CTNNA3: variants seen among roughly 807,000 people sequenced by gnomAD.
CTNNA3 encodes catenin alpha 3, also known as catenin alpha-3.
A neutral mutation model predicts 95.7 loss-of-function variants in CTNNA3; 76 were observed. That is an observed-to-expected ratio of 0.79 (90% confidence interval 0.66 to 0.96). The LOEUF (loss-of-function observed/expected upper bound fraction) is 0.96. Ranked by LOEUF, CTNNA3 falls within the 40% of genes least tolerant of loss-of-function variation. The probability of loss-of-function intolerance (pLI) is 0.00; values close to 1 mark genes in which losing one functional copy is unlikely to be tolerated. For synonymous variants in CTNNA3, 431 were observed against 374.4 expected (o/e 1.15, Z -1.74); for missense variants, 1,191 against 1,089.8 (o/e 1.09, Z -1.31).
chr10:67,340,632 C>T (rs1842150102), intron 5 of CTNNA3, among the ~76,000 whole-genome samples: 1 of 152,194 alleles, frequency 6.6e-6, no homozygotes, highest in African/African-American at 2.4e-5. Flanking sequence ...CCAGGAAAGC[C>T]AATCAGGAAG....
intron 1 of CTNNA3, among the ~76,000 whole-genome samples, chr10:67,745,825 T>C (rs1232097134): frequency 1.3e-5 from 2 of 152,172 alleles, no homozygotes; most frequent in Non-Finnish European, 2.9e-5. Flanking sequence ...CCATTTATAA[T>C]GTCTACAAAG....
intron 9 of CTNNA3, among the ~76,000 whole-genome samples, chr10:66,727,944 C>T (rs1848829713): frequency 6.6e-6 from 1 of 152,074 alleles, no homozygotes. Flanking sequence ...TAAAAAGCCA[C>T]ATTTTTAATA....
rs1316219065 is a variant in CTNNA3, at chr10:66,360,772, T to TC, written c.1732+18379dup. 1.5e-4 allele frequency among the ~76,000 whole-genome samples: 7 copies of TC among 45,978 alleles called. 1 individual carries two copies. Among genetic ancestry groups the TC allele is most frequent in the African/African-American group, 5.8e-4 (7 of 12,076 alleles). 30.2% of individuals were successfully genotyped at this position (45,978 alleles called of 152,430 possible). On this transcript the variant is annotated intron_variant, in intron 12 of 17. Coordinates refer to ENST00000433211, the MANE Select transcript of CTNNA3 (RefSeq NM_013266.4). ...CCTTCCTTCCTTCCTTCCTTCCTTT[T>TC]CTTTCTTTCTTTCTTCCTTCCTTCC...
At chr10:67,343,476 T>C (rs756401553) in intron 5 of CTNNA3, among the ~76,000 whole-genome samples, 14 of 152,170 alleles carry the variant, frequency 9.2e-5, no homozygotes, top group Non-Finnish European at 1.2e-4. Context: ...TTCACTTCTT[T>C]GGTTAAGTTA....
chr10:66,364,373 T>C (rs2092697024), intron 12 of CTNNA3, among the ~76,000 whole-genome samples: 1 of 151,960 alleles, frequency 6.6e-6, no homozygotes, highest in South Asian at 2.1e-4. Context: ...TGAGATCCCA[T>C]CTCAATTTTT....
chr10:66,447,796 C>A (rs2093433594), intron 11 of CTNNA3, among the ~76,000 whole-genome samples: 1 of 151,902 alleles, frequency 6.6e-6, no homozygotes, highest in South Asian at 2.1e-4. Context: ...ACACCAAAAG[C>A]AATGGCAACA....
chr10:66,506,764 T>C lies in CTNNA3; in HGVS notation c.1531+13853A>G, dbSNP rs1190959083. Among the ~76,000 whole-genome samples, 17 of 152,242 alleles carry C rather than the reference T, an allele frequency of 1.1e-4. 1 individual carries two copies. In the South Asian group the frequency reaches 3.5e-3, roughly 32 times the overall value. On this transcript the variant is annotated intron_variant, in intron 11 of 17. Transcript: ENST00000433211. ...TTTTTTCAGGAAATGATTAACAATCTCCAATTTAAAAGATATATTTGTATT... is the reference window on the plus strand; with the variant it reads ...TTTTTTCAGGAAATGATTAACAATCCCCAATTTAAAAGATATATTTGTATT...
chr10:66,362,085 G>T (rs886624952), intron 12 of CTNNA3, among the ~76,000 whole-genome samples: 3 of 148,276 alleles, frequency 2.0e-5, no homozygotes, highest in Non-Finnish European at 3.0e-5. Flanking sequence ...TATCACAGAG[G>T]TTCATACACA....
intron 7 of CTNNA3, among the ~76,000 whole-genome samples, chr10:66,810,724 T>C (rs1053993328): frequency 6.6e-6 from 1 of 152,198 alleles, no homozygotes; most frequent in Non-Finnish European, 1.5e-5. Flanking sequence ...TATGTTAGCA[T>C]GCCCTCCACA....
intron 5 of CTNNA3, among the ~76,000 whole-genome samples, chr10:67,447,086 CAG>C (rs1187843310): frequency 6.6e-6 from 1 of 152,140 alleles, no homozygotes; most frequent in African/African-American, 2.4e-5. Flanking sequence ...GCCTGGGTGA[CAG>C]AGAGAGACTC....
intron 5 of CTNNA3, among the ~76,000 whole-genome samples, chr10:67,390,092 A>T (rs1437383004): frequency 6.6e-6 from 1 of 152,196 alleles, no homozygotes; most frequent in Non-Finnish European, 1.5e-5. Flanking sequence ...GACATAAAAA[A>T]CCCTTCAAAA....
Position 67,583,847 on chromosome 10 carries a change from G to A in CTNNA3, c.292+23010C>T, listed in dbSNP as rs571462836. 9.1e-4 allele frequency among the ~76,000 whole-genome samples: 139 copies of A among 152,114 alleles called. 1 individual carries two copies. The South Asian group carries it at 0.028, about 31-fold the overall frequency. On this transcript the variant is annotated intron_variant, in intron 3 of 17. Coordinates refer to ENST00000433211, the MANE Select transcript of CTNNA3 (RefSeq NM_013266.4). ...CTGATACCCTTTCTTCCACTTGATT[G>A]AATCGGCTACTGAAGCTTGTGCATT...
intron 15 of CTNNA3, among the ~76,000 whole-genome samples, chr10:66,002,019 T>C (rs2078780454): frequency 6.6e-6 from 1 of 152,318 alleles, no homozygotes; most frequent in African/African-American, 2.4e-5. Flanking sequence ...TAGTGACAGA[T>C]ATTTGTGGTA....
intron 5 of CTNNA3, among the ~76,000 whole-genome samples, chr10:67,316,851 A>T (rs1039728680): frequency 6.6e-6 from 1 of 152,196 alleles, no homozygotes; most frequent in Non-Finnish European, 1.5e-5. Context: ...CCAAATCCAT[A>T]TAATAATTAA....
chr10:67,388,444 T>G (rs1844294894), intron 5 of CTNNA3, among the ~76,000 whole-genome samples: 1 of 122,780 alleles, frequency 8.1e-6, no homozygotes, highest in Non-Finnish European at 1.7e-5. Context: ...TTGGTGTACC[T>G]GAAAGTGATG....
chr10:66,262,600 C>T (rs2091038470), intron 13 of CTNNA3, among the ~76,000 whole-genome samples: 1 of 150,718 alleles, frequency 6.6e-6, no homozygotes, highest in Non-Finnish European at 1.5e-5. Flanking sequence ...TTTGCAAAAC[C>T]AAAGATACAT....
In CTNNA3 at chr10:66,715,116, T is replaced by C. The variant is rs191664608; in HGVS notation, c.1281+51148A>G. On this transcript the variant is annotated intron_variant, in intron 9 of 17. Coordinates refer to ENST00000433211, the MANE Select transcript of CTNNA3 (RefSeq NM_013266.4). ...TTCCAGATCAAGCTCAAATGTCCCC[T>C]TTTTCAGAATGATTTCTGAGGGCTA... is the stretch of plus-strand genomic sequence containing the variant. 1.8e-3 allele frequency among the ~76,000 whole-genome samples: 271 copies of C among 152,268 alleles called. 2 individuals carry two copies. The highest frequency in any genetic ancestry group is 6.4e-3 in the African/African-American group (266 of 41,566).
intron 7 of CTNNA3, among the ~76,000 whole-genome samples, chr10:66,937,656 C>G (rs1847782945): frequency 6.6e-6 from 1 of 152,084 alleles, no homozygotes; most frequent in Non-Finnish European, 1.5e-5. Context: ...AGCCTCCCAA[C>G]AAAGCCCAGC....
chr10:67,295,455 G>C (rs1839996354), intron 5 of CTNNA3, among the ~76,000 whole-genome samples: 2 of 151,966 alleles, frequency 1.3e-5, no homozygotes. Flanking sequence ...CTTCATTTGA[G>C]TCACGTGGGA....
Sources: allele counts gnomAD v4.1 joint callset (sites outside exome capture counted in the v4.1 genomes callset), GRCh38; gene constraint gnomAD v4.1.1; transcripts MANE v1.5; gene names NCBI Gene and HGNC (gene_info 2026-07-23, HGNC 2026-07-21).